ADGRE2: variants seen among roughly 807,000 people sequenced by gnomAD.
The protein encoded by ADGRE2 is CD97 antigen.
A neutral mutation model predicts 100.8 loss-of-function variants in ADGRE2; 83 were observed. The ratio of observed to expected loss-of-function variants is 0.82; its 90% CI spans 0.69 to 0.99. The LOEUF (loss-of-function observed/expected upper bound fraction) is 0.99. Ranked by LOEUF, ADGRE2 falls within the 50% of genes least tolerant of loss-of-function variation. ADGRE2 has a pLI of 0.00. For synonymous variants in ADGRE2, 355 were observed against 413.0 expected (o/e 0.86, Z 1.70); for missense variants, 814 against 1,035.7 (o/e 0.79, Z 2.94).
At chr19:14,731,699 A>T (rs2042672952), downstream of ADGRE2, 1 of 152,722 alleles carries the variant, frequency 6.5e-6, no homozygotes, top group Non-Finnish European at 1.5e-5. Flanking sequence ...GAGAAATGAG[A>T]TGGGAAACTC....
At chr19:14,753,082 T>TTA (rs1433629235) in intron 14 of ADGRE2, among the ~76,000 whole-genome samples, 3 of 151,712 alleles carry the variant, frequency 2.0e-5, no homozygotes, top group Admixed American at 2.0e-4. Flanking sequence ...ATTTTTTTTT[T>TTA]ATTTTTGTAG....
chr19:14,756,162 T>C (rs2253472), intron 12 of ADGRE2, 76 bp downstream of exon 12: 825,718 of 1,136,774 alleles, frequency 0.73, 302,781 homozygotes, highest in African/African-American at 0.87. Context: ...ATCTTTAAAT[T>C]TCTTATTTTT....
chr19:14,754,872 A>T (rs1568598135), intron 14 of ADGRE2, 82 bp downstream of exon 14: 4 of 1,477,558 alleles, frequency 2.7e-6, no homozygotes, highest in East Asian at 2.3e-5. Flanking sequence ...TAATGCATAT[A>T]TTTTTTTAAA....
Position 14,743,599 on chromosome 19 carries a change from G to A in ADGRE2, c.2352+17C>T, listed in dbSNP as rs767292872. Reference sequence around the variant, plus strand: ...TGAGGACAGGAAGAGTCCTGGGTGGGAGCTGGGCAGTGGTACCTGCTGGCT... The same window carrying A: ...TGAGGACAGGAAGAGTCCTGGGTGGAAGCTGGGCAGTGGTACCTGCTGGCT... On this transcript the variant is annotated intron_variant, in intron 19 of 20. Coordinates refer to ENST00000315576, the MANE Select transcript of ADGRE2 (RefSeq NM_013447.4). The A allele has an allele frequency of 8.7e-6, 14 of 1,614,152 alleles. No individual in the cohort carries two copies. The South Asian group carries it at 1.3e-4, about 15-fold the overall frequency.
chr19:14,746,191 C>A (rs1180645434), intron 18 of ADGRE2, 41 bp downstream of exon 18: 20 of 1,237,026 alleles, frequency 1.6e-5, no homozygotes, highest in Non-Finnish European at 2.2e-5. Context: ...TCTTGGGAAC[C>A]ATACATGTCT....
At chr19:14,737,335 G>C (rs2042787769) in intron 20 of ADGRE2, among the ~76,000 whole-genome samples, 1 of 151,992 alleles carries the variant, frequency 6.6e-6, no homozygotes, top group Non-Finnish European at 1.5e-5. Context: ...CTACAGGCAT[G>C]TGCCACCACT....
intron 16 of ADGRE2, among the ~76,000 whole-genome samples, chr19:14,749,829 ATAAT>A (rs1161650579): frequency 1.8e-5 from 1 of 54,182 alleles, no homozygotes; most frequent in Non-Finnish European, 3.2e-5. Context: ...TCATAGTTAC[ATAAT>A]TATTTATAGC....
At chr19:14,731,104 G>T, downstream of ADGRE2, 1 of 1,399,230 alleles carries the variant, frequency 7.1e-7, no homozygotes, top group South Asian at 1.2e-5. Context: ...TCCCCCCAAG[G>T]ATTGGCCCCT....
At chr19:14,766,954 A>G (rs540178919) in intron 6 of ADGRE2, 24 bp downstream of exon 6, 27 of 1,548,194 alleles carry the variant, frequency 1.7e-5, no homozygotes, top group Non-Finnish European at 2.4e-5. Flanking sequence ...GTCCAGCCTC[A>G]CAGCGTCTTC....
chr19:14,752,371 G>A lies in ADGRE2; in HGVS notation c.1746C>T (p.Ala582=). Residue 582 remains alanine (A), a synonymous_variant, in exon 15 of 21, where the codon GCC becomes GCT. Coordinates refer to ENST00000315576, the MANE Select transcript of ADGRE2 (RefSeq NM_013447.4). ...CAATTGCCACGAGGAAGAGGAGGTG[G>A]GCCAGGAAGAGGCAGAGCGAGAGCT... ...HLQLSLCLFL[A]HLLFLVAIDQ... 6.2e-7 allele frequency: 1 copy of A among 1,614,162 alleles called. No homozygotes were observed. Among genetic ancestry groups the A allele is most frequent in the Non-Finnish European group, 8.5e-7 (1 of 1,180,032 alleles).
At chr19:14,738,440 G>A (rs972971906) in intron 20 of ADGRE2, among the ~76,000 whole-genome samples, 1 of 151,680 alleles carries the variant, frequency 6.6e-6, no homozygotes, top group Admixed American at 6.6e-5. Context: ...GTGCAGTGAT[G>A]GGATCATAGC....
intron 2 of ADGRE2, among the ~76,000 whole-genome samples, chr19:14,775,012 T>C (rs200358734): frequency 2.6e-5 from 1 of 38,120 alleles, no homozygotes; most frequent in African/African-American, 7.4e-5. Context: ...TTATTATTTA[T>C]TTTTTTTTGA....
chr19:14,770,651 TTTTTGTTTC>T (rs2044161970), intron 5 of ADGRE2, among the ~76,000 whole-genome samples: 2 of 144,222 alleles, frequency 1.4e-5, no homozygotes, highest in Non-Finnish European at 3.0e-5. Context: ...TCTCTTTTTC[TTTTTGTTTC>T]TTTCTTTTCT....
At position 14,764,612 on chromosome 19, in the gene ADGRE2, T is replaced by A; in HGVS notation, c.907-2A>T. On this transcript the variant is annotated splice_acceptor_variant, in intron 10 of 20. Coordinates refer to ENST00000315576, the MANE Select transcript of ADGRE2 (RefSeq NM_013447.4). LOFTEE classifies it high-confidence loss of function. ...CTCATCCAGCGCCTGTAAGATGCTC[T>A]GGAGGGATGTGGACACAGACCTAGT... 1 of 1,609,454 alleles carries A rather than the reference T, an allele frequency of 6.2e-7. No individual in the cohort carries two copies. Among genetic ancestry groups the A allele is most frequent in the Non-Finnish European group, 8.5e-7 (1 of 1,178,612 alleles).
At position 14,774,073 on chromosome 19, in the gene ADGRE2, C is replaced by T. The variant is rs112041188; in HGVS notation, c.83-19G>A. 3.7e-3 allele frequency: 5,964 copies of T among 1,609,328 alleles called. 166 individuals carry two copies. The African/African-American group carries it at 0.067, about 18-fold the overall frequency. ...GCACAGCCTGCAAGAGCAGGGAGCA[C>T]GGTCAGAAGGTGAGGGGTAAGGGAA... On this transcript the variant is annotated intron_variant, in intron 3 of 20. Coordinates refer to ENST00000315576, the MANE Select transcript of ADGRE2 (RefSeq NM_013447.4).
At chr19:14,727,897 G>A (rs1352636559), downstream of ADGRE2, among the ~76,000 whole-genome samples, 2 of 152,134 alleles carry the variant, frequency 1.3e-5, no homozygotes, top group South Asian at 2.1e-4. Flanking sequence ...TCTTACCTTG[G>A]AATTCAGAGT....
intron 5 of ADGRE2, among the ~76,000 whole-genome samples, chr19:14,770,233 T>C (rs1403444006): frequency 1.3e-5 from 2 of 152,132 alleles, no homozygotes; most frequent in Admixed American, 6.5e-5. Context: ...TTAGTTCCCA[T>C]GAAAACTGCT....
chr19:14,742,775 G>A (rs1159271511), intron 20 of ADGRE2, among the ~76,000 whole-genome samples: 1 of 152,182 alleles, frequency 6.6e-6, no homozygotes, highest in Admixed American at 6.6e-5. Flanking sequence ...AAGGGATAGG[G>A]TAAATGCTTC....
chr19:14,751,651 G>T lies in ADGRE2; in HGVS notation c.1809C>A (p.Ala603=). Reference sequence around the variant, plus strand: ...CCAGGTAGAGATAGTGCAAGGTACCGGCGATGATGGAGCACAGCACCTGGC... The same window carrying T: ...CCAGGTAGAGATAGTGCAAGGTACCTGCGATGATGGAGCACAGCACCTGGC... The part of the protein sequence containing the change: ...TGHKVLCSII[A]GTLHYLYLAT... The change falls in exon 16 of 21, where the codon GCC becomes GCA. Residue 603 remains alanine, a synonymous_variant. Coordinates refer to ENST00000315576, the MANE Select transcript of ADGRE2 (RefSeq NM_013447.4). 1 of 1,613,956 alleles carries T rather than the reference G, an allele frequency of 6.2e-7. No individual in the cohort carries two copies. The highest frequency in any genetic ancestry group is 1.1e-5 in the South Asian group (1 of 91,076).
Sources: gnomAD v4.1 joint callset for allele counts (sites outside exome capture counted in the v4.1 genomes callset) on GRCh38, gnomAD v4.1.1 for gene constraint, MANE v1.5 for transcripts, NCBI Gene and HGNC (gene_info 2026-07-23, HGNC 2026-07-21) for gene names.